The following SGCZ variants were observed in gnomAD, a reference collection of about 807,000 sequenced individuals.
SGCZ encodes sarcoglycan zeta, also known as zeta-sarcoglycan.
In SGCZ, 40 loss-of-function variants were observed where a neutral mutation model predicts 41.3. The ratio of observed to expected loss-of-function variants is 0.97; its 90% CI spans 0.75 to 1.26. SGCZ has a LOEUF of 1.26. SGCZ is among the 50% of genes most tolerant of loss of function. The pLI is 0.00. For missense variants in SGCZ, 552 were observed against 369.8 expected, an observed-to-expected ratio of 1.49 and a Z score of -4.04; for synonymous variants, 206 against 137.5, an observed-to-expected ratio of 1.50 and a Z score of -3.49.
At chr8:14,662,699 T>C (rs1049647286) in intron 1 of SGCZ, among the ~76,000 whole-genome samples, 1 of 152,156 alleles carries the variant, frequency 6.6e-6, no homozygotes, top group Non-Finnish European at 1.5e-5. Context: ...AGGTTGATAA[T>C]GAAATCATGG....
intron 2 of SGCZ, among the ~76,000 whole-genome samples, chr8:14,497,915 T>A (rs545045953): frequency 6.6e-6 from 1 of 152,208 alleles, no homozygotes; most frequent in African/African-American, 2.4e-5. Context: ...CCAAAATGTT[T>A]ACAACCATTT....
chr8:14,306,724 T>G (rs777212874), intron 3 of SGCZ, among the ~76,000 whole-genome samples: 2 of 152,166 alleles, frequency 1.3e-5, no homozygotes, highest in Non-Finnish European at 2.9e-5. Flanking sequence ...TTGCATGCAT[T>G]TGCATTATTT....
At chr8:14,959,151 T>A (rs1372027368) in intron 1 of SGCZ, among the ~76,000 whole-genome samples, 1 of 152,096 alleles carries the variant, frequency 6.6e-6, no homozygotes, top group Admixed American at 6.6e-5. Context: ...CAAAATATAA[T>A]AGCATACAAT....
At chr8:14,244,187 C>CTCCTCTTCCTTCT (rs1798995813) in intron 3 of SGCZ, among the ~76,000 whole-genome samples, 1 of 10,866 alleles carries the variant, frequency 9.2e-5, no homozygotes, top group Non-Finnish European at 2.2e-4. Flanking sequence ...TTCCTTCTTC[C>CTCCTCTTCCTTCT]TCCTCCTCTT....
At chr8:14,214,165 C>T (rs867629894) in intron 4 of SGCZ, among the ~76,000 whole-genome samples, 2 of 152,192 alleles carry the variant, frequency 1.3e-5, no homozygotes, top group Middle Eastern at 3.4e-3. Context: ...TACTTCTGTC[C>T]TCCCCAGAAC....
chr8:14,968,916 A>C (rs1365099458), intron 1 of SGCZ, among the ~76,000 whole-genome samples: 1 of 152,116 alleles, frequency 6.6e-6, no homozygotes, highest in Non-Finnish European at 1.5e-5. Context: ...TTTTTCTCAC[A>C]AATGATATTT....
intron 1 of SGCZ, among the ~76,000 whole-genome samples, chr8:14,983,801 G>T (rs919693794): frequency 6.6e-6 from 1 of 152,094 alleles, no homozygotes; most frequent in Non-Finnish European, 1.5e-5. Context: ...TCTACTGCCT[G>T]AGCTCCTCCA....
intron 1 of SGCZ, among the ~76,000 whole-genome samples, chr8:14,829,374 CA>C (rs1802447799): frequency 6.6e-6 from 1 of 152,166 alleles, no homozygotes; most frequent in Non-Finnish European, 1.5e-5. Context: ...TCATCCCTTA[CA>C]AAAGTGTCTT....
chr8:14,846,279 G>A (rs1346270413), intron 1 of SGCZ, among the ~76,000 whole-genome samples: 1 of 152,038 alleles, frequency 6.6e-6, no homozygotes, highest in African/African-American at 2.4e-5. Flanking sequence ...CTGAATATAT[G>A]AGGAAGTGTT....
In SGCZ at chr8:14,754,168, G is replaced by A. The variant is rs964931204; in HGVS notation, c.40-199242C>T. Among the ~76,000 whole-genome samples the A allele has an allele frequency of 3.9e-5, 6 of 152,252 alleles. 1 individual carries two copies. Among genetic ancestry groups the A allele is most frequent in the Admixed American group, 6.5e-5 (1 of 15,282 alleles). On this transcript the variant is annotated intron_variant, in intron 1 of 7. Transcript: ENST00000382080. ...ATATTTAGGGGACCTCAAAAAAGAA[G>A]AGTAATGGAGGCCAATGGTTTAAAT...
intron 1 of SGCZ, among the ~76,000 whole-genome samples, chr8:14,984,696 T>G (rs1801774054): frequency 6.6e-6 from 1 of 152,190 alleles, no homozygotes. Flanking sequence ...TTGAATAATG[T>G]AATATGAAAA....
chr8:15,148,880 C>A (rs1294828943), intron 1 of SGCZ, among the ~76,000 whole-genome samples: 1 of 152,090 alleles, frequency 6.6e-6, no homozygotes, highest in African/African-American at 2.4e-5. Context: ...CTGTCATAGT[C>A]GACAAAAGAC....
In SGCZ at chr8:14,554,932, A is replaced by G; in HGVS notation, c.40-6T>C. ...ATGTATTGTTCTCGTGTCATCTGAAAAAGAAAAAAGAAAGAAAGAGAAAGA... is the reference window on the plus strand; with the variant it reads ...ATGTATTGTTCTCGTGTCATCTGAAGAAGAAAAAAGAAAGAAAGAGAAAGA... On this transcript the variant is annotated splice_region_variant and splice_polypyrimidine_tract_variant and intron_variant, in intron 1 of 7. Transcript: ENST00000382080. The G allele has an allele frequency of 6.5e-7, 1 of 1,541,394 alleles. No homozygotes were observed. The highest frequency in any genetic ancestry group is 1.4e-5 in the African/African-American group (1 of 72,148).
Position 14,216,636 on chromosome 8 carries a change from A to C in SGCZ, c.424+20956T>G, listed in dbSNP as rs540569468. On this transcript the variant is annotated intron_variant, in intron 4 of 7. Transcript: ENST00000382080. ...TTCAAAAACCAATTAACAAAGACAA[A>C]TTATACAATCACATTAACGGATCCA... Among the ~76,000 whole-genome samples the C allele has an allele frequency of 2.0e-5, 3 of 152,266 alleles. No homozygotes were observed. The South Asian group carries it at 6.2e-4, about 32-fold the overall frequency.
rs577676246 is a variant in SGCZ at position 14,764,876 on chromosome 8, T to TATAA, written c.40-209954_40-209951dup. Among the ~76,000 whole-genome samples, 673 of 152,326 alleles carry TATAA rather than the reference T, an allele frequency of 4.4e-3. 8 individuals carry two copies. Among genetic ancestry groups the TATAA allele is most frequent in the African/African-American group, 0.015 (639 of 41,574 alleles). ...CTTAAGAAATACACATTAAAATATT[T>TATAA]ATAAAGAGTCATAATGTTTACATCT... On this transcript the variant is annotated intron_variant, in intron 1 of 7. Transcript: ENST00000382080.
chr8:14,781,904 A>T (rs1265020681), intron 1 of SGCZ, among the ~76,000 whole-genome samples: 1 of 152,188 alleles, frequency 6.6e-6, no homozygotes, highest in Non-Finnish European at 1.5e-5. Context: ...GAAAGTGAAA[A>T]ACAGAATAGT....
chr8:14,245,390 A>T (rs905551773), intron 3 of SGCZ, among the ~76,000 whole-genome samples: 1 of 152,214 alleles, frequency 6.6e-6, no homozygotes, highest in Non-Finnish European at 1.5e-5. Context: ...CTGGCTAGCC[A>T]TATGTAGAAA....
chr8:14,095,044 C>T (rs1479274416), intron 7 of SGCZ, among the ~76,000 whole-genome samples: 2 of 151,890 alleles, frequency 1.3e-5, no homozygotes, highest in African/African-American at 4.8e-5. Flanking sequence ...CAGATGGGTA[C>T]ATTGCAGAAA....
chr8:14,190,381 GTATA>G (rs1359351129), intron 4 of SGCZ, among the ~76,000 whole-genome samples: 1 of 149,034 alleles, frequency 6.7e-6, no homozygotes, highest in Non-Finnish European at 1.5e-5. Context: ...GTGTGTGTGT[GTATA>G]TATATATATC....
Sources: gnomAD v4.1 joint callset for allele counts (sites outside exome capture counted in the v4.1 genomes callset) on GRCh38, gnomAD v4.1.1 for gene constraint, MANE v1.5 for transcripts, NCBI Gene and HGNC (gene_info 2026-07-23, HGNC 2026-07-21) for gene names.